The following TRIM61 variants were observed in gnomAD, a reference collection of about 807,000 sequenced individuals.
The protein encoded by TRIM61 is putative tripartite motif-containing protein 61.
Under a neutral mutation model 14.2 loss-of-function variants are expected in TRIM61, and 1 was observed. The observed-to-expected ratio is 0.07, with a 90% CI of 0.03 to 0.33. TRIM61 has a LOEUF of 0.33. TRIM61 is among the 10% of genes least tolerant of loss of function. The probability of loss-of-function intolerance (pLI) is 0.99; values close to 1 mark genes in which losing one functional copy is unlikely to be tolerated. For synonymous variants in TRIM61, 8 were observed against 71.6 expected, an observed-to-expected ratio of 0.11 and a Z score of 4.49; for missense variants, 19 against 202.2, an observed-to-expected ratio of 0.09 and a Z score of 5.49.
intron 2 of TRIM61, among the ~76,000 whole-genome samples, chr4:164,974,484 G>T (rs57723498): frequency 0.035 from 5,268 of 152,212 alleles, 299 homozygotes; most frequent in African/African-American, 0.12. Flanking sequence ...ATGGATTTTG[G>T]TATCTTCGGG....
At chr4:164,958,112 G>A (rs943179931) in intron 3 of TRIM61, 1 of 167,106 alleles carries the variant, frequency 6.0e-6, no homozygotes, top group African/African-American at 2.4e-5. Context: ...CCAGGAGGAA[G>A]AGAAAGAGGA....
At chr4:164,956,212 C>A (rs1458502019) in intron 3 of TRIM61, among the ~76,000 whole-genome samples, 1 of 152,092 alleles carries the variant, frequency 6.6e-6, no homozygotes, top group Non-Finnish European at 1.5e-5. Flanking sequence ...ACCACAGGGG[C>A]GGGCCAACAT....
At chr4:164,973,860 T>C (rs1732424621) in intron 2 of TRIM61, among the ~76,000 whole-genome samples, 2 of 152,220 alleles carry the variant, frequency 1.3e-5, no homozygotes, top group Admixed American at 1.3e-4. Flanking sequence ...AGAGATAACC[T>C]ATATTTACTT....
At position 164,957,641 on chromosome 4, in the gene TRIM61, G is replaced by A. The variant is rs540660594; in HGVS notation, c.526-2545C>T. The A allele has an allele frequency of 1.5e-5, 14 of 958,964 alleles. No individual in the cohort carries two copies. The South Asian group carries it at 1.5e-4, about 10-fold the overall frequency. The allele number at this position is 958,964 out of a possible 1,614,324, so 59.4% of individuals were successfully genotyped here. ...TGCTACCGAAGATAGTCGAATATTA[G>A]AGGAAGAGATTAAACTCTGATTTTG... On this transcript the variant is annotated intron_variant, in intron 3 of 4. Transcript: ENST00000329314.
chr4:164,957,232 A>C (rs774121158), intron 3 of TRIM61: 1 of 1,604,316 alleles, frequency 6.2e-7, no homozygotes, highest in Non-Finnish European at 8.5e-7. Context: ...CATTCGTCCA[A>C]CAGCGGTCGC....
intron 3 of TRIM61, among the ~76,000 whole-genome samples, chr4:164,965,374 T>C (rs1732215947): frequency 6.6e-6 from 1 of 151,948 alleles, no homozygotes; most frequent in African/African-American, 2.4e-5. Context: ...CCAGCTGACC[T>C]TGGGTGCGAG....
intron 3 of TRIM61, among the ~76,000 whole-genome samples, chr4:164,955,945 A>C (rs1731978597): frequency 6.6e-6 from 1 of 152,252 alleles, no homozygotes; most frequent in Non-Finnish European, 1.5e-5. Flanking sequence ...ACAGAATCTG[A>C]GAGCCCTGAG....
At chr4:164,956,855 G>A (rs1732001504) in intron 3 of TRIM61, 2 of 671,524 alleles carry the variant, frequency 3.0e-6, no homozygotes, top group South Asian at 2.0e-5. Flanking sequence ...AGCACCCCAA[G>A]CACTGCAGCG....
chr4:164,957,590 C>A (rs1041782403), intron 3 of TRIM61: 6 of 1,289,488 alleles, frequency 4.7e-6, no homozygotes, highest in African/African-American at 4.5e-5. Context: ...CTAAACCAAT[C>A]GTTATGTTAA....
chr4:164,965,338 G>A (rs1732215193), intron 3 of TRIM61, among the ~76,000 whole-genome samples: 1 of 151,966 alleles, frequency 6.6e-6, no homozygotes, highest in African/African-American at 2.4e-5. Context: ...AATAGCACCT[G>A]GAGCTTGAAT....
chr4:164,967,886 T>C (rs573077759), intron 3 of TRIM61, among the ~76,000 whole-genome samples: 2 of 150,022 alleles, frequency 1.3e-5, no homozygotes, highest in African/African-American at 4.9e-5. Flanking sequence ...GCGTGGTGGC[T>C]CACACCTGTA....
At chr4:164,962,314 G>C (rs1249577159) in intron 3 of TRIM61, among the ~76,000 whole-genome samples, 1 of 150,670 alleles carries the variant, frequency 6.6e-6, no homozygotes, top group African/African-American at 2.4e-5. Context: ...TCCGCCTCCC[G>C]GGTTCACGCC....
chr4:164,974,003 C>T (rs895221105), intron 2 of TRIM61, among the ~76,000 whole-genome samples: 14 of 152,224 alleles, frequency 9.2e-5, no homozygotes, highest in African/African-American at 3.1e-4. Context: ...AACCTTGTCT[C>T]TCCTGAAAAT....
chr4:164,971,913 C>T (rs1238169934), intron 2 of TRIM61, among the ~76,000 whole-genome samples: 2 of 152,156 alleles, frequency 1.3e-5, no homozygotes, highest in South Asian at 2.1e-4. Context: ...CATAACCCAA[C>T]GACAGTGACA....
chr4:164,964,201 C>A (rs961697100), intron 3 of TRIM61, among the ~76,000 whole-genome samples: 1 of 151,034 alleles, frequency 6.6e-6, no homozygotes, highest in African/African-American at 2.4e-5. Flanking sequence ...TACAAAAATT[C>A]GCCGGGCTTG....
At chr4:164,957,310 G>A (rs1420388680) in intron 3 of TRIM61, 1 of 1,614,178 alleles carries the variant, frequency 6.2e-7, no homozygotes, top group Admixed American at 1.7e-5. Context: ...GGTGCCCAGA[G>A]AGGAATTTTA....
intron 3 of TRIM61, chr4:164,957,006 G>T (rs961893934): frequency 2.0e-6 from 3 of 1,477,292 alleles, no homozygotes; most frequent in African/African-American, 2.8e-5. Flanking sequence ...CCGGGGCAGC[G>T]CCATGTACCA....
chr4:164,970,889 C>T (rs1375426127), intron 2 of TRIM61, among the ~76,000 whole-genome samples: 3 of 152,044 alleles, frequency 2.0e-5, no homozygotes, highest in Admixed American at 6.6e-5. Flanking sequence ...CCCTTGAGGC[C>T]GGGAGTTCAA....
chr4:164,963,658 C>T (rs1010346316), intron 3 of TRIM61, among the ~76,000 whole-genome samples: 1 of 151,072 alleles, frequency 6.6e-6, no homozygotes, highest in Admixed American at 6.6e-5. Context: ...ATGGGAGAAT[C>T]GCTTGAACCC....
Sources: allele counts gnomAD v4.1 joint callset (sites outside exome capture counted in the v4.1 genomes callset), GRCh38; gene constraint gnomAD v4.1.1; transcripts MANE v1.5; gene names NCBI Gene and HGNC (gene_info 2026-07-23, HGNC 2026-07-21).